Variants in ATE1 observed in about 807,000 individuals in gnomAD.
The protein encoded by ATE1 is arginyltransferase 1.
A neutral mutation model predicts 70.5 loss-of-function variants in ATE1; 36 were observed. The observed-to-expected ratio is 0.51, with a 90% CI of 0.39 to 0.67. ATE1 has a LOEUF of 0.67. ATE1 is among the 30% of genes least tolerant of loss of function. ATE1 has a pLI of 0.00. For missense variants in ATE1, 593 were observed against 629.5 expected (o/e 0.94, Z 0.62); for synonymous variants, 232 against 219.3 (o/e 1.06, Z -0.51).
Position 121,911,167 on chromosome 10 carries a change from A to C in ATE1, c.338-16T>G, listed in dbSNP as rs747271197. On this transcript the variant is annotated splice_polypyrimidine_tract_variant and intron_variant, in intron 4 of 11. Transcript: ENST00000224652. Reference sequence around the variant, plus strand: ...ATGGGCTCATCTACAAATCAGAAGAAATTAAAAATCCATCAGCTGGGTTAT... The same window carrying C: ...ATGGGCTCATCTACAAATCAGAAGACATTAAAAATCCATCAGCTGGGTTAT... The C allele has an allele frequency of 6.3e-7, 1 of 1,598,682 alleles. No individual in the cohort carries two copies. Among genetic ancestry groups the C allele is most frequent in the Non-Finnish European group, 8.5e-7 (1 of 1,177,018 alleles).
At chr10:121,807,433 A>C (rs1170317139) in intron 10 of ATE1, among the ~76,000 whole-genome samples, 1 of 152,210 alleles carries the variant, frequency 6.6e-6, no homozygotes, top group Non-Finnish European at 1.5e-5. Flanking sequence ...TGTAAGTAGG[A>C]GTCCATTTTA....
At chr10:121,810,936 C>T (rs1205430470) in intron 10 of ATE1, among the ~76,000 whole-genome samples, 1 of 151,976 alleles carries the variant, frequency 6.6e-6, no homozygotes, top group African/African-American at 2.4e-5. Flanking sequence ...CTCCTGACCT[C>T]GAGATCCACA....
intron 11 of ATE1, among the ~76,000 whole-genome samples, chr10:121,760,097 T>A (rs550537403): frequency 1.3e-5 from 2 of 152,338 alleles, no homozygotes; most frequent in East Asian, 1.9e-4. Context: ...TACTGCTCAG[T>A]TTTTCTGATT....
intron 10 of ATE1, among the ~76,000 whole-genome samples, chr10:121,835,265 A>C (rs146678297): frequency 2.6e-5 from 4 of 152,102 alleles, no homozygotes; most frequent in African/African-American, 9.7e-5. Flanking sequence ...GGACACCTTG[A>C]TCAGCTTACC....
chr10:121,790,387 TA>T (rs1319674334), intron 10 of ATE1, 98 bp from the exon 11 acceptor site: 5 of 1,444,916 alleles, frequency 3.5e-6, no homozygotes, highest in Non-Finnish European at 3.7e-6. Flanking sequence ...AGCAAAAACT[TA>T]AAAGTCAACC....
intron 7 of ATE1, among the ~76,000 whole-genome samples, chr10:121,886,870 C>A (rs761981706): frequency 6.6e-6 from 1 of 151,896 alleles, no homozygotes; most frequent in African/African-American, 2.4e-5. Context: ...CTGGTCTTTG[C>A]CTAATTGGAG....
chr10:121,842,713 A>G (rs1372112742), intron 8 of ATE1, among the ~76,000 whole-genome samples: 1 of 152,222 alleles, frequency 6.6e-6, no homozygotes, highest in Non-Finnish European at 1.5e-5. Context: ...TGAACAATCA[A>G]TGTAATTCAC....
Position 121,741,215 on chromosome 10 carries a change from T to G in ATE1, c.*2465A>C, listed in dbSNP as rs1944136375. 1 of 152,230 alleles carries G rather than the reference T, an allele frequency of 6.6e-6. No homozygotes were observed. Among genetic ancestry groups the G allele is most frequent in the Non-Finnish European group, 1.5e-5 (1 of 68,040 alleles). 9.4% of individuals were successfully genotyped at this position (152,230 alleles called of 1,614,324 possible). A position where few individuals can be genotyped will look rare whatever the true frequency, so the allele number is the denominator to read the frequency against. On this transcript the variant is annotated 3_prime_UTR_variant, in exon 12 of 12. Coordinates refer to ENST00000224652, the MANE Select transcript of ATE1 (RefSeq NM_001001976.3). Reference sequence around the variant, plus strand: ...GTCAAGTAACAAGGTGGGTCACTTTTCTTGACTATGCTTTTCTAGTCCACT... The same window carrying G: ...GTCAAGTAACAAGGTGGGTCACTTTGCTTGACTATGCTTTTCTAGTCCACT...
intron 11 of ATE1, among the ~76,000 whole-genome samples, chr10:121,782,142 A>T (rs576457681): frequency 6.6e-6 from 1 of 152,218 alleles, no homozygotes; most frequent in Non-Finnish European, 1.5e-5. Flanking sequence ...GAATGATTTA[A>T]ATCTTGGACT....
At chr10:121,769,403 T>C (rs778339648) in intron 11 of ATE1, among the ~76,000 whole-genome samples, 2 of 152,176 alleles carry the variant, frequency 1.3e-5, no homozygotes, top group Admixed American at 1.3e-4. Flanking sequence ...CCCAAATGGA[T>C]GGATCATAGA....
intron 7 of ATE1, among the ~76,000 whole-genome samples, chr10:121,876,952 C>T (rs1337906540): frequency 3.4e-5 from 5 of 146,954 alleles, no homozygotes; most frequent in East Asian, 2.0e-4. Context: ...GGCCACAGAG[C>T]GACACTCCAG....
chr10:121,925,290 C>A (rs915863787), intron 1 of ATE1, among the ~76,000 whole-genome samples: 6 of 151,970 alleles, frequency 3.9e-5, no homozygotes, highest in African/African-American at 1.4e-4. Flanking sequence ...AATGGTGGCA[C>A]ATGCCTGTAA....
At chr10:121,803,654 CA>C (rs1946982642) in intron 10 of ATE1, among the ~76,000 whole-genome samples, 1 of 152,164 alleles carries the variant, frequency 6.6e-6, no homozygotes, top group Non-Finnish European at 1.5e-5. Context: ...CAGTTTCCTA[CA>C]AATACACGGC....
At chr10:121,861,398 GAT>G (rs1949461879) in intron 8 of ATE1, among the ~76,000 whole-genome samples, 3 of 152,036 alleles carry the variant, frequency 2.0e-5, no homozygotes, top group Middle Eastern at 6.8e-3. Context: ...GATATCATGA[GAT>G]ATATGGCTGC....
intron 7 of ATE1, among the ~76,000 whole-genome samples, chr10:121,870,595 T>G (rs919439954): frequency 6.6e-6 from 1 of 152,212 alleles, no homozygotes; most frequent in Non-Finnish European, 1.5e-5. Flanking sequence ...CTTTCTCTTT[T>G]CTCAGTCCCA....
intron 10 of ATE1, among the ~76,000 whole-genome samples, chr10:121,809,960 T>C (rs1036302345): frequency 2.0e-5 from 3 of 149,804 alleles, no homozygotes; most frequent in African/African-American, 7.3e-5. Flanking sequence ...CCAAGAAAGA[T>C]CAACACTGAA....
At chr10:121,851,210 A>G (rs1311107363) in intron 8 of ATE1, among the ~76,000 whole-genome samples, 1 of 149,788 alleles carries the variant, frequency 6.7e-6, no homozygotes, top group Non-Finnish European at 1.5e-5. Flanking sequence ...GCTTGAGTCC[A>G]GGAGTTTGAG....
At chr10:121,808,991 T>C (rs1947207851) in intron 10 of ATE1, among the ~76,000 whole-genome samples, 1 of 152,234 alleles carries the variant, frequency 6.6e-6, no homozygotes. Context: ...ACATCAGTTA[T>C]TTTGAAAGTA....
At chr10:121,900,046 C>G (rs1950920853) in intron 6 of ATE1, 52 bp from the exon 7 acceptor site, 1 of 1,595,872 alleles carries the variant, frequency 6.3e-7, no homozygotes, top group East Asian at 2.2e-5. Context: ...TTTATTCATT[C>G]TGTGGAATAT....
Sources: allele counts gnomAD v4.1 joint callset (sites outside exome capture counted in the v4.1 genomes callset), GRCh38; gene constraint gnomAD v4.1.1; transcripts MANE v1.5; gene names NCBI Gene and HGNC (gene_info 2026-07-23, HGNC 2026-07-21).